Variants in ADGRV1 observed in about 807,000 individuals in gnomAD.
The protein encoded by ADGRV1 is G-protein coupled receptor 98.
A neutral mutation model predicts 596.2 loss-of-function variants in ADGRV1; 359 were observed. That is an observed-to-expected ratio of 0.60 (90% confidence interval 0.55 to 0.66). The LOEUF (loss-of-function observed/expected upper bound fraction) is 0.66. Ranked by LOEUF, ADGRV1 falls within the 30% of genes least tolerant of loss-of-function variation. ADGRV1 has a pLI of 0.00. For synonymous variants in ADGRV1, 2,681 were observed against 2,679.2 expected (o/e 1.00, Z -0.02); for missense variants, 7,274 against 7,575.6 (o/e 0.96, Z 1.48).
At chr5:91,016,430 A>T (rs572111885) in intron 85 of ADGRV1, among the ~76,000 whole-genome samples, 2 of 152,044 alleles carry the variant, frequency 1.3e-5, no homozygotes, top group Non-Finnish European at 2.9e-5. Flanking sequence ...CAGGTCATTT[A>T]CCTGGTCTCT....
chr5:91,102,374 A>G (rs371723826), intron 87 of ADGRV1, 34 bp downstream of exon 87: 5 of 1,537,684 alleles, frequency 3.3e-6, no homozygotes, highest in Non-Finnish European at 4.4e-6. Flanking sequence ...GACAACATAC[A>G]TTTATCTTAA....
chr5:90,968,352 C>T (rs1778657507), intron 84 of ADGRV1, among the ~76,000 whole-genome samples: 1 of 152,172 alleles, frequency 6.6e-6, no homozygotes, highest in African/African-American at 2.4e-5. Context: ...GGATTTTCTG[C>T]TTTCAGGGGC....
At position 90,994,277 on chromosome 5, in the gene ADGRV1, G is replaced by T. The variant is rs573674069; in HGVS notation, c.18152+8755G>T. 3.3e-5 allele frequency among the ~76,000 whole-genome samples: 5 copies of T among 152,068 alleles called. No individual in the cohort carries two copies. In the East Asian group the frequency reaches 9.7e-4, roughly 29 times the overall value. On this transcript the variant is annotated intron_variant, in intron 85 of 89. Coordinates refer to ENST00000405460, the MANE Select transcript of ADGRV1 (RefSeq NM_032119.4). ...GGGGTTTCACCATGTTGGCCAGGCTGGTCTCGAACTCCTGACCTCAGGTGA... is the reference window on the plus strand; with the variant it reads ...GGGGTTTCACCATGTTGGCCAGGCTTGTCTCGAACTCCTGACCTCAGGTGA...
chr5:90,717,642 A>T (rs924788829), intron 43 of ADGRV1: 2 of 151,698 alleles, frequency 1.3e-5, no homozygotes, highest in South Asian at 4.2e-4. Context: ...GGCGCCCACC[A>T]CTACAGGCGC....
intron 85 of ADGRV1, among the ~76,000 whole-genome samples, chr5:91,016,389 G>T (rs1254923573): frequency 1.3e-5 from 2 of 151,904 alleles, no homozygotes; most frequent in Non-Finnish European, 2.9e-5. Context: ...ACACACATGT[G>T]AACAAATGCA....
chr5:90,872,423 T>TTGTGTGTGTGTG (rs55743704), intron 83 of ADGRV1, among the ~76,000 whole-genome samples: 18 of 147,336 alleles, frequency 1.2e-4, no homozygotes, highest in Non-Finnish European at 1.9e-4. Flanking sequence ...TGGTATGAGC[T>TTGTGTGTGTGTG]TGTGTGTGTG....
chr5:90,693,822 T>G, intron 32 of ADGRV1, 68 bp from the exon 33 acceptor site: 1 of 1,200,434 alleles, frequency 8.3e-7, no homozygotes, highest in Non-Finnish European at 1.1e-6. Flanking sequence ...ACAGTCAGCA[T>G]TCCTCTTCTC....
rs757029909 is a variant in ADGRV1 at position 91,014,136 on chromosome 5, C to CCCCACACACACACACACACA, written c.18152+28615_18152+28616insCCACACACACACACACACAC. Among the ~76,000 whole-genome samples, 115 of 35,690 alleles carry CCCCACACACACACACACACA rather than the reference C, an allele frequency of 3.2e-3. 3 individuals carry two copies. The highest frequency in any genetic ancestry group is 0.014 in the East Asian group (20 of 1,464). 23.4% of individuals were successfully genotyped at this position (35,690 alleles called of 152,430 possible). ...TCATAGGCAATCCCATTCACAATTG[C>CCCCACACACACACACACACA]CACACACACACACACACACACACAC... is the stretch of plus-strand genomic sequence containing the variant. On this transcript the variant is annotated intron_variant, in intron 85 of 89. Transcript: ENST00000405460.
chr5:90,847,804 C>T lies in ADGRV1; in HGVS notation c.17020-833C>T, dbSNP rs542167118. On this transcript the variant is annotated intron_variant, in intron 78 of 89. Coordinates refer to ENST00000405460, the MANE Select transcript of ADGRV1 (RefSeq NM_032119.4). ...TGAGCCCACGCCCACCCGGAACTCG[C>T]GCTGGCCCTGGTTCCCGCCCTGGTT... is the stretch of plus-strand genomic sequence containing the variant. 1.5e-3 allele frequency among the ~76,000 whole-genome samples: 235 copies of T among 152,318 alleles called. 2 individuals are homozygous for T. Among genetic ancestry groups the T allele is most frequent in the African/African-American group, 4.6e-3 (190 of 41,576 alleles).
intron 59 of ADGRV1, among the ~76,000 whole-genome samples, chr5:90,769,301 T>C (rs1160262125): frequency 1.3e-5 from 2 of 152,192 alleles, no homozygotes; most frequent in Non-Finnish European, 2.9e-5. Flanking sequence ...CTCTTTGCCT[T>C]CTACCCATTC....
intron 34 of ADGRV1, among the ~76,000 whole-genome samples, chr5:90,700,063 A>AT (rs1240967451): frequency 2.0e-4 from 31 of 151,928 alleles, no homozygotes; most frequent in Non-Finnish European, 8.8e-5. Context: ...ATTATAAATT[A>AT]TTTTTTTCAA....
At chr5:91,011,426 C>T (rs1272583579) in intron 85 of ADGRV1, among the ~76,000 whole-genome samples, 4 of 151,888 alleles carry the variant, frequency 2.6e-5, no homozygotes, top group African/African-American at 9.7e-5. Flanking sequence ...CCAGAGTTAT[C>T]AGTTTCCTTA....
At chr5:90,675,173 C>A (rs962251866) in intron 23 of ADGRV1, 70 bp from the exon 24 acceptor site, 76 of 1,306,702 alleles carry the variant, frequency 5.8e-5, no homozygotes, top group Non-Finnish European at 7.4e-5. Flanking sequence ...TGTGTAAGAT[C>A]GCTTTAATTG....
At position 90,617,820 on chromosome 5, in the gene ADGRV1, C is replaced by G; in HGVS notation, c.224C>G (p.Ala75Gly). The change falls in exon 3 of 90, where the codon GCT becomes GGT. Residue 75 changes from alanine to glycine, a missense_variant. This residue lies in a region of ADGRV1 where 1,715 missense variants were observed against 1,708.8 expected (regional missense o/e 1.00). Transcript: ENST00000405460. The part of the protein sequence containing the change: ...TAIVSLYGED[A>G]GDFFDTYAAA... ...ATTTGATAGCTGTATGGAGAGGACG[C>G]TGGTGACTTTTTTGACACATATGCT... The G allele has an allele frequency of 6.3e-7, 1 of 1,596,970 alleles. No homozygotes were observed. The highest frequency in any genetic ancestry group is 1.1e-5 in the South Asian group (1 of 87,978).
rs146552753 is a variant in ADGRV1 at position 91,148,399 on chromosome 5, ACT to A, written c.18433-1628_18433-1627del. Among the ~76,000 whole-genome samples, 692 of 152,132 alleles carry A rather than the reference ACT, an allele frequency of 4.5e-3. 46 individuals are homozygous for A. The East Asian group carries it at 0.12, about 25-fold the overall frequency. Reference sequence around the variant, plus strand: ...GCTGTGTGCCATGTGTGCAGTCATGACTCTAAGGGGCTAAGGTACAGCTCAGG... The same window carrying A: ...GCTGTGTGCCATGTGTGCAGTCATGACTAAGGGGCTAAGGTACAGCTCAGG... On this transcript the variant is annotated intron_variant, in intron 87 of 89. Coordinates refer to ENST00000405460, the MANE Select transcript of ADGRV1 (RefSeq NM_032119.4).
At chr5:90,935,454 A>G (rs1775598510) in intron 83 of ADGRV1, among the ~76,000 whole-genome samples, 1 of 152,212 alleles carries the variant, frequency 6.6e-6, no homozygotes, top group Admixed American at 6.5e-5. Flanking sequence ...CCTGACTGGT[A>G]TCAGCTGGCA....
chr5:90,575,059 T>C (rs1757021966), intron 1 of ADGRV1, among the ~76,000 whole-genome samples: 1 of 152,100 alleles, frequency 6.6e-6, no homozygotes, highest in Non-Finnish European at 1.5e-5. Flanking sequence ...TTCATTAATC[T>C]TTTGAATGAA....
intron 66 of ADGRV1, 147 bp downstream of exon 66, chr5:90,783,472 T>C: frequency 1.5e-6 from 1 of 647,552 alleles, no homozygotes; most frequent in Non-Finnish European, 2.7e-6. Context: ...GTACTAGGGG[T>C]AGGGAAAGAG....
At chr5:90,579,178 G>A (rs1372591939) in intron 1 of ADGRV1, among the ~76,000 whole-genome samples, 1 of 152,056 alleles carries the variant, frequency 6.6e-6, no homozygotes, top group Non-Finnish European at 1.5e-5. Context: ...TGCTTCTCTA[G>A]TTCTTTTAAT....
Sources: allele counts gnomAD v4.1 joint callset (sites outside exome capture counted in the v4.1 genomes callset), GRCh38; gene constraint gnomAD v4.1.1; regional missense constraint gnomAD v4.1.1; transcripts MANE v1.5; gene names NCBI Gene and HGNC (gene_info 2026-07-23, HGNC 2026-07-21).